The following GRK3 variants were observed in gnomAD, a reference collection of about 807,000 sequenced individuals.
GRK3 encodes the protein adrenergic, beta, receptor kinase 2.
A neutral mutation model predicts 95.7 loss-of-function variants in GRK3; 54 were observed. That is an observed-to-expected ratio of 0.56 (90% CI 0.45 to 0.71). The LOEUF (loss-of-function observed/expected upper bound fraction) is 0.71, where lower values mean the gene tolerates loss of function less well. Ranked by LOEUF, GRK3 falls within the 30% of genes least tolerant of loss-of-function variation. The pLI, the probability that GRK3 is intolerant of heterozygous loss-of-function variation, is 0.00. For missense variants in GRK3, 649 were observed against 851.2 expected (o/e 0.76, Z 2.96); for synonymous variants, 281 against 290.8 (o/e 0.97, Z 0.34).
chr22:25,622,535 C>T (rs1320799592), intron 2 of GRK3, among the ~76,000 whole-genome samples: 2 of 152,128 alleles, frequency 1.3e-5, no homozygotes, highest in Non-Finnish European at 2.9e-5. Context: ...AGAAGGCCCA[C>T]GCAGGCAGCT....
intron 13 of GRK3, chr22:25,702,804 G>T (rs758289116): frequency 4.4e-6 from 2 of 455,796 alleles, no homozygotes; most frequent in African/African-American, 4.0e-5. Flanking sequence ...TCCCTTCACT[G>T]CTTCTGTGAA....
chr22:25,663,663 A>G lies in GRK3; in HGVS notation c.400A>G (p.Ser134Gly). Residue 134 changes from serine to glycine, a missense_variant, in exon 5 of 21, where the codon AGT (serine) becomes GGT (glycine). By Grantham distance (56) the Ser-to-Gly change is moderately conservative. Transcript: ENST00000324198. ...FSKQAVEHVQ[S>G]HLSKKQVTST... is the part of the protein sequence containing the mutation. Reference sequence around the variant, plus strand: ...AAAGCAAGCTGTAGAACACGTACAAAGTCATTTATCCAAGAAACAAGTGAC... The same window carrying G: ...AAAGCAAGCTGTAGAACACGTACAAGGTCATTTATCCAAGAAACAAGTGAC... The G allele has an allele frequency of 1.2e-6, 2 of 1,611,880 alleles. No homozygotes were observed. Among genetic ancestry groups the G allele is most frequent in the Non-Finnish European group, 1.7e-6 (2 of 1,178,984 alleles).
Position 25,682,776 on chromosome 22 carries a change from A to G in GRK3, c.748-2394A>G, listed in dbSNP as rs143495506. ...GGGAATACACGCATCTCCGGCACCC[A>G]GATCAAGAGACGGAAAGTTACCAGT... On this transcript the variant is annotated intron_variant, in intron 9 of 20. Transcript: ENST00000324198. 7.7e-4 allele frequency among the ~76,000 whole-genome samples: 117 copies of G among 152,364 alleles called. 1 individual carries two copies. In the East Asian group the frequency reaches 0.021, roughly 27 times the overall value.
intron 1 of GRK3, among the ~76,000 whole-genome samples, chr22:25,570,044 G>A (rs1022692628): frequency 6.6e-6 from 1 of 152,156 alleles, no homozygotes; most frequent in Non-Finnish European, 1.5e-5. Context: ...ACTCCCTCGC[G>A]TCTTATTTTG....
chr22:25,647,455 C>T (rs1011317029), intron 3 of GRK3: 3 of 1,319,670 alleles, frequency 2.3e-6, no homozygotes, highest in African/African-American at 2.9e-5. Context: ...TTGGAGGATC[C>T]TCAGGGGTAA....
At chr22:25,636,261 C>T (rs947961214) in intron 2 of GRK3, among the ~76,000 whole-genome samples, 6 of 152,066 alleles carry the variant, frequency 3.9e-5, no homozygotes, top group East Asian at 1.9e-4. Flanking sequence ...TCATTGCTGC[C>T]GGTGTGTCAT....
rs565863767 is a variant in GRK3, at chr22:25,570,094, GA to G, written c.113+4947del. ...AACTGCGATACTTTTTTATTTGGGGGAAAAAATCCTTTTTCGTACTCTCCCG... is the reference window on the plus strand; with the variant it reads ...AACTGCGATACTTTTTTATTTGGGGGAAAAATCCTTTTTCGTACTCTCCCG... On this transcript the variant is annotated intron_variant, in intron 1 of 20. Coordinates refer to ENST00000324198, the MANE Select transcript of GRK3 (RefSeq NM_005160.4). 1.0e-3 allele frequency among the ~76,000 whole-genome samples: 156 copies of G among 152,278 alleles called. 1 individual carries two copies. The highest frequency in any genetic ancestry group is 3.7e-3 in the Admixed American group (57 of 15,304).
intron 3 of GRK3, among the ~76,000 whole-genome samples, chr22:25,655,775 G>C (rs2084866550): frequency 6.6e-6 from 1 of 152,192 alleles, no homozygotes; most frequent in Non-Finnish European, 1.5e-5. Context: ...ACTTGAGGCT[G>C]TCATAGTATG....
chr22:25,654,137 G>C (rs916039290), intron 3 of GRK3, among the ~76,000 whole-genome samples: 1 of 152,090 alleles, frequency 6.6e-6, no homozygotes, highest in Admixed American at 6.6e-5. Flanking sequence ...TTAAACTAAA[G>C]AATCCTTAAC....
At chr22:25,708,467 G>A (rs983419177) in intron 15 of GRK3, among the ~76,000 whole-genome samples, 1 of 152,096 alleles carries the variant, frequency 6.6e-6, no homozygotes, top group African/African-American at 2.4e-5. Context: ...ACAGGTTGGT[G>A]CTTGGGCTAC....
intron 2 of GRK3, among the ~76,000 whole-genome samples, chr22:25,623,548 G>A (rs2084603188): frequency 6.6e-6 from 1 of 152,154 alleles, no homozygotes; most frequent in South Asian, 2.1e-4. Flanking sequence ...GTAATGTGTT[G>A]CCCTTGCCTC....
intron 1 of GRK3, among the ~76,000 whole-genome samples, chr22:25,580,060 C>G (rs953186608): frequency 6.6e-6 from 1 of 152,112 alleles, no homozygotes; most frequent in Non-Finnish European, 1.5e-5. Context: ...ATTCCTGCCC[C>G]CAAATGGTGG....
chr22:25,698,068 AAAGGAGAGGGAGGGAGGAAGGGAGG>A (rs1208081530), intron 13 of GRK3, among the ~76,000 whole-genome samples: 4 of 149,728 alleles, frequency 2.7e-5, no homozygotes, highest in East Asian at 2.0e-4. Flanking sequence ...AGGAAGGAAA[AAAGGAGAGGGAGGGAGGAAGGGAGG>A]AAGGAGAGGG....
intron 19 of GRK3, among the ~76,000 whole-genome samples, chr22:25,720,156 T>C (rs562169096): frequency 6.6e-6 from 1 of 152,226 alleles, no homozygotes; most frequent in East Asian, 1.9e-4. Context: ...CACTGGCATG[T>C]TAAAAGGAAA....
chr22:25,717,234 C>T (rs1377605818), intron 18 of GRK3, among the ~76,000 whole-genome samples: 5 of 152,108 alleles, frequency 3.3e-5, no homozygotes, highest in African/African-American at 9.7e-5. Context: ...CTACTGATTT[C>T]GGTGTCTGCT....
At chr22:25,679,062 G>T (rs1404068257) in intron 9 of GRK3, 147 bp downstream of exon 9, 5 of 525,592 alleles carry the variant, frequency 9.5e-6, no homozygotes, top group African/African-American at 2.0e-5. Flanking sequence ...ATTTGATTTT[G>T]CAAGTTAGAA....
rs58562284 is a variant in GRK3, at chr22:25,707,890, A to G, written c.1329-2008A>G. Among the ~76,000 whole-genome samples, 5 of 152,152 alleles carry G rather than the reference A, an allele frequency of 3.3e-5. No homozygotes were observed. The East Asian group carries it at 9.7e-4, about 29-fold the overall frequency. ...ACCCTGGTGCCTCGGTGTTTCTGGC[A>G]GTACGTCTATCATCCCTTCCCTGCC... On this transcript the variant is annotated intron_variant, in intron 15 of 20. Transcript: ENST00000324198.
intron 4 of GRK3, among the ~76,000 whole-genome samples, chr22:25,663,394 C>T (rs553540133): frequency 3.9e-4 from 59 of 152,264 alleles, no homozygotes; most frequent in African/African-American, 1.4e-3. Context: ...ATAATGTCAG[C>T]CCCTGCATGG....
intron 3 of GRK3, among the ~76,000 whole-genome samples, chr22:25,645,908 G>A (rs1163702251): frequency 2.0e-5 from 3 of 149,478 alleles, no homozygotes; most frequent in Non-Finnish European, 3.0e-5. Context: ...GCGACAGAGC[G>A]AGACTCCATC....
Sources: allele counts gnomAD v4.1 joint callset (sites outside exome capture counted in the v4.1 genomes callset), GRCh38; gene constraint gnomAD v4.1.1; transcripts MANE v1.5; gene names NCBI Gene and HGNC (gene_info 2026-07-23, HGNC 2026-07-21).